Variants in IGF2BP2 observed in about 807,000 individuals in gnomAD.
IGF2BP2 encodes the protein insulin like growth factor 2 mRNA binding protein 2.
Under a neutral mutation model 75.8 loss-of-function variants are expected in IGF2BP2, and 17 were observed. The ratio of observed to expected loss-of-function variants is 0.22; its 90% confidence interval spans 0.15 to 0.34. The LOEUF is 0.34. Ranked by LOEUF, IGF2BP2 falls within the 10% of genes least tolerant of loss-of-function variation. The probability of loss-of-function intolerance (pLI) is 1.00; values close to 1 mark genes in which losing one functional copy is unlikely to be tolerated. For synonymous variants in IGF2BP2, 288 were observed against 295.6 expected (o/e 0.97, Z 0.26); for missense variants, 516 against 772.4 (o/e 0.67, Z 3.93).
chr3:185,756,299 T>C (rs1374285772), intron 2 of IGF2BP2, among the ~76,000 whole-genome samples: 5 of 152,182 alleles, frequency 3.3e-5, no homozygotes, highest in Admixed American at 3.3e-4. Flanking sequence ...AGGCAGATGC[T>C]AGCACCACAC....
At chr3:185,787,395 T>A (rs973352565) in intron 2 of IGF2BP2, among the ~76,000 whole-genome samples, 2 of 151,862 alleles carry the variant, frequency 1.3e-5, no homozygotes, top group South Asian at 4.2e-4. Flanking sequence ...TAAAAAAAAA[T>A]GAGTAGATAT....
intron 2 of IGF2BP2, among the ~76,000 whole-genome samples, chr3:185,820,610 C>T (rs900996319): frequency 7.9e-5 from 12 of 151,984 alleles, no homozygotes; most frequent in African/African-American, 2.7e-4. Context: ...GTCTATTATG[C>T]TATTATAAAA....
chr3:185,689,725 T>C (rs1577979896), intron 5 of IGF2BP2, 98 bp from the exon 6 acceptor site: 6 of 1,395,452 alleles, frequency 4.3e-6, no homozygotes, highest in South Asian at 1.2e-5. Flanking sequence ...TCCCAGCACT[T>C]TGGGAGGCCG....
intron 10 of IGF2BP2, among the ~76,000 whole-genome samples, chr3:185,663,812 A>G (rs935595918): frequency 2.0e-5 from 3 of 152,152 alleles, no homozygotes; most frequent in Admixed American, 6.5e-5. Context: ...ATTGATTTGC[A>G]TATGTCAAAC....
intron 14 of IGF2BP2, among the ~76,000 whole-genome samples, chr3:185,648,013 C>T (rs1413511913): frequency 3.9e-5 from 6 of 152,366 alleles, no homozygotes; most frequent in African/African-American, 7.2e-5. Context: ...ATTCCAGCTC[C>T]GCCTAAAGCG....
intron 2 of IGF2BP2, among the ~76,000 whole-genome samples, chr3:185,745,117 G>A (rs1346286383): frequency 1.3e-5 from 2 of 152,168 alleles, no homozygotes; most frequent in Non-Finnish European, 1.5e-5. Flanking sequence ...CCCTCCACAC[G>A]CTGCTTTGCA....
intron 2 of IGF2BP2, among the ~76,000 whole-genome samples, chr3:185,747,848 AATTTT>A (rs1297589118): frequency 9.9e-5 from 15 of 151,428 alleles, no homozygotes; most frequent in African/African-American, 3.6e-4. Flanking sequence ...ACTCTACTCC[AATTTT>A]ATTTTATTTT....
Position 185,658,388 on chromosome 3 carries a change from T to C in IGF2BP2, c.1222A>G (p.Ser408Gly). The C allele has an allele frequency of 6.2e-7, 1 of 1,614,002 alleles. No homozygotes were observed. Among genetic ancestry groups the C allele is most frequent in the Non-Finnish European group, 8.5e-7 (1 of 1,179,936 alleles). ...PFTTHSGYFS[S>G]LYPHHQFGPF... ...CCAAACTGGTGATGGGGGTACAGGC[T>C]GGAGAAGTATCCGGAGTGGGTCTGC... Residue 408 changes from serine (S) to glycine (G), a missense_variant, in exon 11 of 16, where the codon AGC (serine) becomes GGC (glycine). Ser to Gly is a moderately conservative substitution (Grantham distance 56). Around this residue, in one of 3 missense-constraint regions of IGF2BP2, gnomAD observed 75 missense variants for 67.4 expected, o/e 1.11. Coordinates refer to ENST00000382199, the MANE Select transcript of IGF2BP2 (RefSeq NM_006548.6).
intron 12 of IGF2BP2, among the ~76,000 whole-genome samples, chr3:185,653,322 TTAAAAG>T (rs1447281283): frequency 6.6e-6 from 1 of 151,920 alleles, no homozygotes; most frequent in African/African-American, 2.4e-5. Flanking sequence ...TTAAATGTCA[TTAAAAG>T]TAAAATGAGG....
intron 2 of IGF2BP2, among the ~76,000 whole-genome samples, chr3:185,820,271 C>A (rs1180080040): frequency 6.8e-6 from 1 of 147,380 alleles, no homozygotes; most frequent in East Asian, 2.0e-4. Flanking sequence ...CACACACACA[C>A]ACATAATTTT....
chr3:185,645,080 C>A lies in IGF2BP2; in HGVS notation c.*451G>T, dbSNP rs983088736. 6.4e-6 allele frequency: 1 copy of A among 156,452 alleles called. No homozygotes were observed. The highest frequency in any genetic ancestry group is 2.4e-5 in the African/African-American group (1 of 41,642). 9.7% of individuals were successfully genotyped at this position (156,452 alleles called of 1,614,324 possible). A position where few individuals can be genotyped will look rare whatever the true frequency, so the allele number is the denominator to read the frequency against. On this transcript the variant is annotated 3_prime_UTR_variant, in exon 16 of 16. Transcript: ENST00000382199. This position sits in a 1 kb window ranked among gnomAD's most constrained non-coding sequence, Gnocchi z 4.9. ...CTAAAATATATTACCGCTGCAGGCA[C>A]CCTGTGTAACCCACAGGCCACATAT...
At position 185,660,622 on chromosome 3, in the gene IGF2BP2, T is replaced by G. The variant is rs79199650; in HGVS notation, c.1201-2213A>C. ...GCCCCTCATGCCCACAAGAGGGCGC[T>G]ATGAGATCAGCAGTCTCTTGGCAAG... On this transcript the variant is annotated intron_variant, in intron 10 of 15. Transcript: ENST00000382199. Among the ~76,000 whole-genome samples, 354 of 152,284 alleles carry G rather than the reference T, an allele frequency of 2.3e-3. 3 individuals carry two copies. The highest frequency in any genetic ancestry group is 8.2e-3 in the African/African-American group (342 of 41,564).
chr3:185,760,227 T>C (rs910618373), intron 2 of IGF2BP2, among the ~76,000 whole-genome samples: 1 of 152,206 alleles, frequency 6.6e-6, no homozygotes, highest in Non-Finnish European at 1.5e-5. Context: ...TTCTACCCAC[T>C]ATGACCCAAA....
Position 185,647,134 on chromosome 3 carries a change from T to C in IGF2BP2, c.1598A>G (p.Asn533Ser). The C allele has an allele frequency of 6.2e-7, 1 of 1,613,326 alleles. No homozygotes were observed. Among genetic ancestry groups the C allele is most frequent in the Non-Finnish European group, 8.5e-7 (1 of 1,179,228 alleles). The change falls in exon 15 of 16, where the codon AAC becomes AGC. Residue 533 changes from asparagine (N) to serine (S), a missense_variant. Around this residue, in one of 3 missense-constraint regions of IGF2BP2, gnomAD observed 129 missense variants for 230.5 expected, o/e 0.56. Transcript: ENST00000382199. The surrounding 1 kb of genome is among the most constrained non-coding windows in gnomAD (Gnocchi z 4.9). ...RVIGKGGKTV[N>S]ELQNLTSAEV... ...TGCACTGGTTAAGTTCTGCAGTTCG[T>C]TCACCTGTGAAGGGAGAAACGGCAA...
At chr3:185,674,378 A>G (rs1051085018) in intron 9 of IGF2BP2, among the ~76,000 whole-genome samples, 1 of 152,200 alleles carries the variant, frequency 6.6e-6, no homozygotes, top group African/African-American at 2.4e-5. Context: ...AAATCTAATT[A>G]AAAAGTGAAA....
rs541779199 is a variant in IGF2BP2, at chr3:185,732,300, CT to C, written c.240-33954del. ...ATGCAGAGCGAAACTCAGAAAAGAT[CT>C]GTTGGATTAATAAAACCAAGCAACT... On this transcript the variant is annotated intron_variant, in intron 2 of 15. Transcript: ENST00000382199. 2.8e-4 allele frequency among the ~76,000 whole-genome samples: 43 copies of C among 152,334 alleles called. No homozygotes were observed. The South Asian group carries it at 3.1e-3, about 11-fold the overall frequency.
chr3:185,657,495 A>T, intron 11 of IGF2BP2, 93 bp from the exon 12 acceptor site: 1 of 957,608 alleles, frequency 1.0e-6, no homozygotes, highest in Non-Finnish European at 1.6e-6. Flanking sequence ...CATGAACCCC[A>T]TGGTGGGAAG....
chr3:185,694,389 T>TA (rs1330367756), intron 4 of IGF2BP2, among the ~76,000 whole-genome samples: 9 of 152,374 alleles, frequency 5.9e-5, no homozygotes, highest in Middle Eastern at 3.4e-3. Flanking sequence ...GCTCACTTCT[T>TA]AGTCATATGC....
chr3:185,815,875 A>G (rs1740535349), intron 2 of IGF2BP2, among the ~76,000 whole-genome samples: 2 of 152,190 alleles, frequency 1.3e-5, no homozygotes, highest in Admixed American at 1.3e-4. Context: ...ATTATTTAGC[A>G]TATTTTTTTG....
Sources: gnomAD v4.1 joint callset for allele counts (sites outside exome capture counted in the v4.1 genomes callset) on GRCh38, gnomAD v4.1.1 for gene constraint, gnomAD v4.1.1 regional missense constraint, Gnocchi (gnomAD v3.1) non-coding constraint, MANE v1.5 for transcripts, NCBI Gene and HGNC (gene_info 2026-07-23, HGNC 2026-07-21) for gene names.